COPE: variants seen among roughly 807,000 people sequenced by gnomAD.
The protein encoded by COPE is coat protein complex I subunit epsilon.
A neutral mutation model predicts 42.1 loss-of-function variants in COPE; 19 were observed. That is an observed-to-expected ratio of 0.45 (90% CI 0.31 to 0.66). The LOEUF (loss-of-function observed/expected upper bound fraction) is 0.66. Ranked by LOEUF, COPE falls within the 30% of genes least tolerant of loss-of-function variation. The pLI, the probability that COPE is intolerant of heterozygous loss-of-function variation, is 0.05. For missense variants in COPE, 402 were observed against 416.1 expected (o/e 0.97, Z 0.30); for synonymous variants, 195 against 181.3 (o/e 1.08, Z -0.60).
chr19:18,906,160 C>T (rs1484544270), intron 4 of COPE: 3 of 395,854 alleles, frequency 7.6e-6, no homozygotes, highest in South Asian at 1.4e-4. Flanking sequence ...CCGAGTCGGC[C>T]GGCTCGCCGA....
rs1327506312 is a variant in COPE, at chr19:18,903,407, T to C, written c.596A>G (p.Gln199Arg). Residue 199 changes from glutamine (Q) to arginine (R), a missense_variant, in exon 7 of 10, where the codon CAG becomes CGG. Coordinates refer to ENST00000262812, the MANE Select transcript of COPE (RefSeq NM_007263.4). Reference protein sequence around the residue: ...VSLATGGEKLQDAYYIFQEMA... With the variant: ...VSLATGGEKLRDAYYIFQEMA... The stretch of plus-strand genomic sequence containing the variant: ...CTCCTGGAAGATGTAGTAGGCATCC[T>C]GCAGCTTCTCACCACCCTGCAGGGA... The C allele has an allele frequency of 6.2e-7, 1 of 1,610,600 alleles. No individual in the cohort carries two copies. Among genetic ancestry groups the C allele is most frequent in the East Asian group, 2.2e-5 (1 of 44,658 alleles).
intron 7 of COPE, 92 bp from the exon 8 acceptor site, chr19:18,900,541 G>A (rs1196474652): frequency 2.0e-6 from 2 of 981,556 alleles, no homozygotes; most frequent in Non-Finnish European, 3.1e-6. Flanking sequence ...ACCACACAAG[G>A]TCACCTCCTC....
intron 2 of COPE, chr19:18,911,281 C>T: frequency 1.7e-6 from 1 of 584,900 alleles, no homozygotes; most frequent in Non-Finnish European, 3.1e-6. Context: ...TGCAGGGCCA[C>T]ACTGCCCATG....
rs144870827 is a variant in COPE at position 18,912,987 on chromosome 19, C to A, written c.186G>T (p.Ala62=). Residue 62 remains alanine, a synonymous_variant, in exon 2 of 10, where the codon GCG becomes GCT. Coordinates refer to ENST00000262812, the MANE Select transcript of COPE (RefSeq NM_007263.4). ...CCCGGCCAAGGCCCGCACTCACCTGCGCCAGGTACGCTCTATACAGGAAGA... is the reference window on the plus strand; with the variant it reads ...CCCGGCCAAGGCCCGCACTCACCTGAGCCAGGTACGCTCTATACAGGAAGA... The part of the protein sequence containing the change: ...RDVFLYRAYL[A]QRKFGVVLDE... 6.2e-7 allele frequency: 1 copy of A among 1,611,812 alleles called. No homozygotes were observed. Among genetic ancestry groups the A allele is most frequent in the African/African-American group, 1.3e-5 (1 of 75,046 alleles).
At chr19:18,908,535 G>A (rs1307163178) in intron 3 of COPE, among the ~76,000 whole-genome samples, 1 of 87,314 alleles carries the variant, frequency 1.1e-5, no homozygotes, top group African/African-American at 5.1e-5. Flanking sequence ...TTTTTTTTTT[G>A]AGACGGAGTC....
At chr19:18,904,985 C>T in intron 5 of COPE, 133 bp from the exon 6 acceptor site, 1 of 874,366 alleles carries the variant, frequency 1.1e-6, no homozygotes, top group Non-Finnish European at 1.8e-6. Context: ...CATGCTCATA[C>T]CCCACGACTA....
At chr19:18,899,844 C>T in intron 9 of COPE, 29 bp downstream of exon 9, 1 of 1,612,320 alleles carries the variant, frequency 6.2e-7, no homozygotes, top group Non-Finnish European at 8.5e-7. Context: ...TGGCCTGGTT[C>T]TCGGGGACAG....
intron 8 of COPE, 93 bp from the exon 9 acceptor site, chr19:18,900,040 C>T: frequency 9.0e-7 from 1 of 1,106,474 alleles, no homozygotes; most frequent in South Asian, 1.5e-5. Context: ...GTGAGAGCCA[C>T]AGTACCCCAG....
intron 2 of COPE, among the ~76,000 whole-genome samples, chr19:18,912,127 G>A (rs1019235056): frequency 1.2e-4 from 18 of 152,012 alleles, no homozygotes; most frequent in Non-Finnish European, 1.8e-4. Context: ...GATTACAGGC[G>A]TGAACCACCG....
chr19:18,910,869 T>C (rs2056802968), intron 3 of COPE, 102 bp downstream of exon 3: 2 of 982,038 alleles, frequency 2.0e-6, no homozygotes, highest in Admixed American at 3.6e-5. Flanking sequence ...ATCTGAGGGA[T>C]GCTGTGCGCT....
rs1300377167 is a variant in COPE at position 18,911,894 on chromosome 19, A to G, written c.190-823T>C. Among the ~76,000 whole-genome samples the G allele has an allele frequency of 6.8e-5, 9 of 132,852 alleles. No individual in the cohort carries two copies. In the East Asian group the frequency reaches 2.0e-3, roughly 29 times the overall value. 87.2% of individuals were successfully genotyped at this position (132,852 alleles called of 152,430 possible). A position where few individuals can be genotyped will look rare whatever the true frequency, so the allele number is the denominator to read the frequency against. On this transcript the variant is annotated intron_variant, in intron 2 of 9. Coordinates refer to ENST00000262812, the MANE Select transcript of COPE (RefSeq NM_007263.4). The stretch of plus-strand genomic sequence containing the variant: ...AGATGGAGTTTCGCTCTTGGTGCCC[A>G]GGCTGGAGTGTAATGCTGTGACCTC...
At chr19:18,900,095 C>T in intron 8 of COPE, 148 bp from the exon 9 acceptor site, 1 of 648,142 alleles carries the variant, frequency 1.5e-6, no homozygotes, top group Non-Finnish European at 2.6e-6. Context: ...CTCGGAGAAC[C>T]TTCAGGGTGG....
At chr19:18,905,497 CGCTCTGGGCTGT>C in intron 5 of COPE, 67 bp downstream of exon 5, 1 of 1,304,804 alleles carries the variant, frequency 7.7e-7, no homozygotes, top group Non-Finnish European at 1.0e-6. Context: ...GCACCACAGA[CGCTCTGGGCTGT>C]GACGCTCTGG....
At chr19:18,903,567 G>T in intron 6 of COPE, 144 bp from the exon 7 acceptor site, 1 of 984,846 alleles carries the variant, frequency 1.0e-6, no homozygotes, top group Non-Finnish European at 1.4e-6. Context: ...ACTCCGCCAT[G>T]GGGACTACCC....
At chr19:18,909,364 C>T (rs1334997838) in intron 3 of COPE, among the ~76,000 whole-genome samples, 6 of 152,170 alleles carry the variant, frequency 3.9e-5, no homozygotes, top group Admixed American at 6.5e-5. Flanking sequence ...GTCAAGGTGG[C>T]GGCAGGGCTG....
At chr19:18,910,815 A>C (rs2145073174) in intron 3 of COPE, 156 bp downstream of exon 3, 1 of 653,632 alleles carries the variant, frequency 1.5e-6, no homozygotes, top group East Asian at 2.7e-5. Context: ...GGTGAGGGAA[A>C]CTGAGGCACA....
At chr19:18,900,577 C>A in intron 7 of COPE, 128 bp from the exon 8 acceptor site, 1 of 659,370 alleles carries the variant, frequency 1.5e-6, no homozygotes. Context: ...CTGACACCGC[C>A]CACCGCTCTG....
At chr19:18,912,331 G>A (rs2056818086) in intron 2 of COPE, among the ~76,000 whole-genome samples, 1 of 151,238 alleles carries the variant, frequency 6.6e-6, no homozygotes, top group South Asian at 2.1e-4. Flanking sequence ...ATTTTTTTTT[G>A]TAGAGACGGG....
chr19:18,912,930 C>T, intron 2 of COPE, 54 bp downstream of exon 2: 1 of 1,580,408 alleles, frequency 6.3e-7, no homozygotes, highest in Non-Finnish European at 8.7e-7. Flanking sequence ...CTGTCCCCAG[C>T]CCCACCCTCT....
Sources: allele counts gnomAD v4.1 joint callset (sites outside exome capture counted in the v4.1 genomes callset), GRCh38; gene constraint gnomAD v4.1.1; transcripts MANE v1.5; gene names NCBI Gene and HGNC (gene_info 2026-07-23, HGNC 2026-07-21).